Variants in ALOX5 observed in about 807,000 individuals in gnomAD.
The protein encoded by ALOX5 is arachidonate 5-lipoxygenase.
Under a neutral mutation model 87.9 loss-of-function variants are expected in ALOX5, and 64 were observed. The ratio of observed to expected loss-of-function variants is 0.73; its 90% CI spans 0.60 to 0.90. ALOX5 has a LOEUF of 0.90. Among genes scored for constraint, ALOX5 ranks in the 40% least tolerant of loss-of-function variants. The pLI, the probability that ALOX5 is intolerant of heterozygous loss-of-function variation, is 0.00. For missense variants in ALOX5, 822 were observed against 907.5 expected (o/e 0.91, Z 1.21); for synonymous variants, 388 against 355.1 (o/e 1.09, Z -1.04).
At chr10:45,435,227 A>G (rs1010810632) in intron 7 of ALOX5, among the ~76,000 whole-genome samples, 12 of 151,348 alleles carry the variant, frequency 7.9e-5, no homozygotes, top group Non-Finnish European at 1.3e-4. Context: ...CACTGGGCCC[A>G]TCCTCATTCA....
rs768678668 is a variant in ALOX5, at chr10:45,425,118, G to A, written c.820G>A (p.Glu274Lys). The A allele has an allele frequency of 1.2e-6, 2 of 1,613,780 alleles. No individual in the cohort carries two copies. The highest frequency in any genetic ancestry group is 1.7e-5 in the Admixed American group (1 of 60,012). The change falls in exon 6 of 14, where the codon GAG becomes AAG. Residue 274 changes from glutamate to lysine, a missense_variant. By Grantham distance (56) the Glu-to-Lys change is moderately conservative (BLOSUM62 1). Coordinates refer to ENST00000374391, the MANE Select transcript of ALOX5 (RefSeq NM_000698.5). This position sits in a 1 kb window ranked among gnomAD's most constrained non-coding sequence, Gnocchi z 4.4. The part of the protein sequence containing the change: ...ECSLERQLSL[E>K]QEVQQGNIFI... ...CAGCCTGGAGCGGCAGCTCAGCTTG[G>A]AGCAGGAGGTCCAGGTAGGGGTTGA...
chr10:45,383,007 CT>C (rs1376497641), intron 2 of ALOX5, among the ~76,000 whole-genome samples: 1 of 152,228 alleles, frequency 6.6e-6, no homozygotes, highest in Non-Finnish European at 1.5e-5. Flanking sequence ...GGACATGCCC[CT>C]GGATGGGCAC....
At chr10:45,419,002 C>A (rs1300646589) in intron 4 of ALOX5, among the ~76,000 whole-genome samples, 1 of 152,180 alleles carries the variant, frequency 6.6e-6, no homozygotes, top group Non-Finnish European at 1.5e-5. Flanking sequence ...TGAGAATGGG[C>A]GGGGGCAGCT....
At chr10:45,379,812 T>G (rs534757741) in intron 1 of ALOX5, among the ~76,000 whole-genome samples, 2 of 152,310 alleles carry the variant, frequency 1.3e-5, no homozygotes, top group East Asian at 3.9e-4. Flanking sequence ...TGAAGCAATG[T>G]GCCCAGGCCA....
Position 45,412,272 on chromosome 10 carries a change from T to C in ALOX5, c.513T>C (p.Asp171=). 6.2e-7 allele frequency: 1 copy of C among 1,614,158 alleles called. No homozygotes were observed. Among genetic ancestry groups the C allele is most frequent in the Non-Finnish European group, 8.5e-7 (1 of 1,180,040 alleles). The change falls in exon 4 of 14, where the codon GAT becomes GAC. Residue 171 remains aspartate, a synonymous_variant. Coordinates refer to ENST00000374391, the MANE Select transcript of ALOX5 (RefSeq NM_000698.5). The stretch of plus-strand genomic sequence containing the variant: ...ATTTACCCCGTGATATCCAGTTTGA[T>C]AGTGAAAAAGGAGTGGACTTTGTTC... ...HKDLPRDIQF[D]SEKGVDFVLN...
chr10:45,403,628 C>T (rs1840779023), intron 3 of ALOX5, among the ~76,000 whole-genome samples: 2 of 152,010 alleles, frequency 1.3e-5, no homozygotes, highest in South Asian at 4.1e-4. Context: ...ATTCTATTTC[C>T]CAATTGAAAA....
intron 2 of ALOX5, among the ~76,000 whole-genome samples, chr10:45,391,824 G>A (rs149306926): frequency 0.13 from 19,492 of 149,282 alleles, 1,585 homozygotes; most frequent in Non-Finnish European, 0.17. Context: ...CCCGGCAGCC[G>A]CCCCATCTGA....
Position 45,374,520 on chromosome 10 carries a change from G to T in ALOX5, c.150+91G>T, listed in dbSNP as rs528342487. ...AGAGGCCTGGGCGGGGGCGCCGAGG[G>T]CCCGTCGGGGCGGCCCGGACAGGAC... On this transcript the variant is annotated intron_variant, in intron 1 of 13. Coordinates refer to ENST00000374391, the MANE Select transcript of ALOX5 (RefSeq NM_000698.5). 5 of 1,242,604 alleles carry T rather than the reference G, an allele frequency of 4.0e-6. No individual in the cohort carries two copies. In the South Asian group the frequency reaches 7.7e-5, roughly 19 times the overall value. The allele number at this position is 1,242,604 out of a possible 1,614,324, so 77.0% of individuals were successfully genotyped here. A position where few individuals can be genotyped will look rare whatever the true frequency, so the allele number is the denominator to read the frequency against.
At position 45,374,303 on chromosome 10, in the gene ALOX5, G is replaced by C. The variant is rs781400367; in HGVS notation, c.24G>C (p.Val8=). 3.3e-6 allele frequency: 5 copies of C among 1,517,984 alleles called. No homozygotes were observed. The highest frequency in any genetic ancestry group is 3.5e-6 in the Non-Finnish European group (4 of 1,133,490). 94.0% of individuals were successfully genotyped at this position (1,517,984 alleles called of 1,614,324 possible). The change falls in exon 1 of 14, where the codon GTG becomes GTC. Residue 8 remains valine, a synonymous_variant. Coordinates refer to ENST00000374391, the MANE Select transcript of ALOX5 (RefSeq NM_000698.5). ...CCATGCCCTCCTACACGGTCACCGT[G>C]GCCACTGGCAGCCAGTGGTTCGCCG... MPSYTVT[V]ATGSQWFAGT...
In ALOX5 at chr10:45,425,187, C is replaced by T. The variant is rs2132808681; in HGVS notation, c.834+55C>T. 6.4e-7 allele frequency: 1 copy of T among 1,562,938 alleles called. No individual in the cohort carries two copies. Among genetic ancestry groups the T allele is most frequent in the Non-Finnish European group, 8.7e-7 (1 of 1,150,848 alleles). On this transcript the variant is annotated intron_variant, in intron 6 of 13. Transcript: ENST00000374391. This position sits in a 1 kb window ranked among gnomAD's most constrained non-coding sequence, Gnocchi z 4.4. ...AAGGTCACAGTCTGTCAGGTGGAAG[C>T]CAGTTCCTCCTGGCCAGTGCTCATA...
chr10:45,429,131 G>A (rs1841832438), intron 7 of ALOX5, among the ~76,000 whole-genome samples: 1 of 152,204 alleles, frequency 6.6e-6, no homozygotes, highest in South Asian at 2.1e-4. Context: ...TCTGGGGTCA[G>A]GAACCAGGCC....
intron 3 of ALOX5, among the ~76,000 whole-genome samples, chr10:45,407,176 G>A (rs79864355): frequency 6.6e-6 from 1 of 151,916 alleles, no homozygotes; most frequent in Non-Finnish European, 1.5e-5. Flanking sequence ...TCTAAAAAAA[G>A]TGTGTATACA....
intron 6 of ALOX5, chr10:45,428,267 ATTTTTTGGCAT>A: frequency 1.0e-5 from 3 of 291,100 alleles, no homozygotes; most frequent in Non-Finnish European, 1.3e-5. Context: ...CGGCAGCATC[ATTTTTTGGCAT>A]TTAACTCGTC....
chr10:45,435,276 A>C (rs1336702794), intron 7 of ALOX5, among the ~76,000 whole-genome samples: 2 of 144,744 alleles, frequency 1.4e-5, no homozygotes, highest in Non-Finnish European at 3.0e-5. Flanking sequence ...TTTTTTTTTT[A>C]ATATATAAAA....
At chr10:45,411,542 A>G (rs1485383646) in intron 3 of ALOX5, among the ~76,000 whole-genome samples, 1 of 152,220 alleles carries the variant, frequency 6.6e-6, no homozygotes, top group Non-Finnish European at 1.5e-5. Flanking sequence ...GGATCTGAGC[A>G]TGTTTACTGG....
At chr10:45,384,285 C>G (rs1179984254) in intron 2 of ALOX5, among the ~76,000 whole-genome samples, 1 of 152,192 alleles carries the variant, frequency 6.6e-6, no homozygotes, top group Non-Finnish European at 1.5e-5. Flanking sequence ...CCCATTGAGG[C>G]ATCTCATTCC....
At chr10:45,445,329 G>A (rs1242409683) in intron 13 of ALOX5, among the ~76,000 whole-genome samples, 179 bp from the exon 14 acceptor site, 2 of 152,228 alleles carry the variant, frequency 1.3e-5, no homozygotes, top group East Asian at 1.9e-4. Flanking sequence ...GGTTGGAGGC[G>A]ACGACACTTG....
Position 45,391,009 on chromosome 10 carries a change from C to CCCA in ALOX5, c.350-4846_350-4845insCCA, listed in dbSNP as rs1564416249. 1.7e-3 allele frequency among the ~76,000 whole-genome samples: 46 copies of CCCA among 26,884 alleles called. 9 individuals are homozygous for CCCA. The highest frequency in any genetic ancestry group is 6.0e-3 in the East Asian group (5 of 834). The allele number at this position is 26,884 out of a possible 152,430, so 17.6% of individuals were successfully genotyped here. A position where few individuals can be genotyped will look rare whatever the true frequency, so the allele number is the denominator to read the frequency against. On this transcript the variant is annotated intron_variant, in intron 2 of 13. Coordinates refer to ENST00000374391, the MANE Select transcript of ALOX5 (RefSeq NM_000698.5). ...CTCTCCCCTCTCCCCTCTCCCCTCT[C>CCCA]TCCTCTCCCATCTCCCCTCTCCCCT...
At chr10:45,432,983 A>G (rs1412526133) in intron 7 of ALOX5, among the ~76,000 whole-genome samples, 1 of 152,278 alleles carries the variant, frequency 6.6e-6, no homozygotes, top group Non-Finnish European at 1.5e-5. Flanking sequence ...TCCAGTGGAA[A>G]AATGAGCAGA....
Sources: gnomAD v4.1 joint callset for allele counts (sites outside exome capture counted in the v4.1 genomes callset) on GRCh38, gnomAD v4.1.1 for gene constraint, Gnocchi (gnomAD v3.1) non-coding constraint, MANE v1.5 for transcripts, NCBI Gene and HGNC (gene_info 2026-07-23, HGNC 2026-07-21) for gene names.